Variants in SMOC2 observed in about 807,000 individuals in gnomAD.
SMOC2 encodes SPARC-related modular calcium-binding protein 2.
A neutral mutation model predicts 61.4 loss-of-function variants in SMOC2; 39 were observed. The ratio of observed to expected loss-of-function variants is 0.64; its 90% confidence interval spans 0.49 to 0.83. The LOEUF (loss-of-function observed/expected upper bound fraction) is 0.83, where lower values mean the gene tolerates loss of function less well. Among genes scored for constraint, SMOC2 ranks in the 40% least tolerant of loss-of-function variants. The pLI, the probability that SMOC2 is intolerant of heterozygous loss-of-function variation, is 0.00. For missense variants in SMOC2, 556 were observed against 592.9 expected (o/e 0.94, Z 0.65); for synonymous variants, 247 against 239.9 (o/e 1.03, Z -0.27).
chr6:168,644,216 T>C (rs113167708), intron 9 of SMOC2, among the ~76,000 whole-genome samples: 5 of 152,320 alleles, frequency 3.3e-5, no homozygotes, highest in African/African-American at 1.2e-4. Flanking sequence ...CACGTGTTTA[T>C]GGACATGGCT....
rs541774938 is a variant in SMOC2 at position 168,540,375 on chromosome 6, G to A, written c.464-3250G>A. ...CCCAGCTGCGTGTCCAGCAGAGCAC[G>A]TGGAGAGGCAGCTTCCGATGGCGCA... On this transcript the variant is annotated intron_variant, in intron 4 of 12. Transcript: ENST00000356284. 6.6e-5 allele frequency among the ~76,000 whole-genome samples: 10 copies of A among 152,334 alleles called. No homozygotes were observed. The South Asian group carries it at 1.7e-3, about 25-fold the overall frequency.
chr6:168,492,819 C>G (rs532201890), intron 1 of SMOC2, among the ~76,000 whole-genome samples: 45 of 152,336 alleles, frequency 3.0e-4, no homozygotes, highest in Non-Finnish European at 5.1e-4. Flanking sequence ...TTGCATTTCT[C>G]TGGCTTTAAT....
chr6:168,522,592 A>G (rs1783355270), intron 2 of SMOC2, among the ~76,000 whole-genome samples: 1 of 152,254 alleles, frequency 6.6e-6, no homozygotes, highest in Admixed American at 6.5e-5. Flanking sequence ...AGCCAGACAC[A>G]GAAGGATACC....
intron 6 of SMOC2, among the ~76,000 whole-genome samples, chr6:168,547,894 T>C (rs1261496116): frequency 6.6e-6 from 1 of 152,160 alleles, no homozygotes; most frequent in Non-Finnish European, 1.5e-5. Flanking sequence ...TAAGTTGAAA[T>C]TTTACAGCTT....
chr6:168,507,381 T>G (rs1437407494), intron 1 of SMOC2, among the ~76,000 whole-genome samples: 3 of 152,236 alleles, frequency 2.0e-5, no homozygotes, highest in Admixed American at 2.0e-4. Flanking sequence ...TCATGTTTTC[T>G]TTCTGTTTTC....
intron 9 of SMOC2, among the ~76,000 whole-genome samples, chr6:168,633,258 C>G (rs949763155): frequency 1.6e-4 from 25 of 152,316 alleles, no homozygotes; most frequent in African/African-American, 6.0e-4. Context: ...TATTTGAAAG[C>G]TTCAGAAACT....
chr6:168,526,961 G>A (rs568762751), intron 3 of SMOC2, among the ~76,000 whole-genome samples: 5 of 152,300 alleles, frequency 3.3e-5, no homozygotes, highest in South Asian at 4.1e-4. Context: ...CCAGCTCTCC[G>A]TTTTGAGTGT....
At chr6:168,536,011 T>G (rs932342134) in intron 4 of SMOC2, among the ~76,000 whole-genome samples, 32 of 152,234 alleles carry the variant, frequency 2.1e-4, no homozygotes, top group Non-Finnish European at 4.3e-4. Context: ...GCTCGAATTT[T>G]CACACGTGCC....
chr6:168,546,292 G>A (rs574673960), intron 5 of SMOC2, among the ~76,000 whole-genome samples: 81 of 143,720 alleles, frequency 5.6e-4, no homozygotes, highest in African/African-American at 1.9e-3. Context: ...GATCCTGAGA[G>A]CACCACAGTG....
At chr6:168,467,309 G>T (rs1420688442) in intron 1 of SMOC2, among the ~76,000 whole-genome samples, 1 of 132,492 alleles carries the variant, frequency 7.5e-6, no homozygotes, top group Non-Finnish European at 1.5e-5. Flanking sequence ...ACCCTGCTAA[G>T]GTTTTTTTTT....
At chr6:168,472,084 G>A (rs1781977546) in intron 1 of SMOC2, among the ~76,000 whole-genome samples, 1 of 152,150 alleles carries the variant, frequency 6.6e-6, no homozygotes, top group African/African-American at 2.4e-5. Context: ...TCCTGCTATG[G>A]CTTGTGCTTT....
At chr6:168,481,274 C>T (rs1451678298) in intron 1 of SMOC2, among the ~76,000 whole-genome samples, 2 of 151,912 alleles carry the variant, frequency 1.3e-5, no homozygotes, top group Non-Finnish European at 2.9e-5. Flanking sequence ...CTTAATGCTT[C>T]GATGTACAGA....
Position 168,648,402 on chromosome 6 carries a change from G to A in SMOC2, c.908-2279G>A, listed in dbSNP as rs193044000. Among the ~76,000 whole-genome samples the A allele has an allele frequency of 3.9e-4, 60 of 152,348 alleles. No individual in the cohort carries two copies. The East Asian group carries it at 0.011, about 27-fold the overall frequency. On this transcript the variant is annotated intron_variant, in intron 9 of 12. Transcript: ENST00000356284. ...GTGTTCCCGAGCCTGTGCCCTGGAG[G>A]CATTTTCAGCCCTCCAAGTTGTTTT... is the stretch of plus-strand genomic sequence containing the variant.
At position 168,453,938 on chromosome 6, in the gene SMOC2, C is replaced by T. The variant is rs1781522432; in HGVS notation, c.84+12484C>T. ...TCTCTCTCTGTCTCTCTGATTCTAT[C>T]TTTGGTCTCTGCCATTCTCCCTCTC... is the stretch of plus-strand genomic sequence containing the variant. On this transcript the variant is annotated intron_variant, in intron 1 of 12. Coordinates refer to ENST00000356284, the MANE Select transcript of SMOC2 (RefSeq NM_001166412.2). This position sits in a 1 kb window ranked among gnomAD's most constrained non-coding sequence, Gnocchi z 4.4. Among the ~76,000 whole-genome samples the T allele has an allele frequency of 6.6e-6, 1 of 151,842 alleles. No homozygotes were observed. Among genetic ancestry groups the T allele is most frequent in the African/African-American group, 2.4e-5 (1 of 41,322 alleles).
chr6:168,552,675 G>A (rs1300057224), intron 7 of SMOC2, among the ~76,000 whole-genome samples: 2 of 152,176 alleles, frequency 1.3e-5, no homozygotes, highest in Non-Finnish European at 2.9e-5. Flanking sequence ...TTTTACAAAG[G>A]AAAATAAAAT....
intron 1 of SMOC2, among the ~76,000 whole-genome samples, chr6:168,498,756 C>A (rs1240915978): frequency 8.3e-6 from 1 of 121,144 alleles, no homozygotes; most frequent in Non-Finnish European, 2.0e-5. Context: ...AGCCTGTCTA[C>A]TGCACATGGA....
intron 1 of SMOC2, among the ~76,000 whole-genome samples, chr6:168,493,185 C>T (rs183795658): frequency 9.9e-5 from 15 of 152,120 alleles, no homozygotes; most frequent in East Asian, 9.7e-4. Flanking sequence ...TACAGGTACA[C>T]GCCACTACGC....
chr6:168,569,828 A>C (rs6455530), intron 7 of SMOC2, among the ~76,000 whole-genome samples: 24,010 of 152,086 alleles, frequency 0.16, 3,776 homozygotes, highest in African/African-American at 0.41. Context: ...CTAATGGTGT[A>C]TTTGCAGAGC....
At chr6:168,466,228 G>A (rs1211209501) in intron 1 of SMOC2, among the ~76,000 whole-genome samples, 1 of 150,842 alleles carries the variant, frequency 6.6e-6, no homozygotes, top group Non-Finnish European at 1.5e-5. Context: ...TGCTTTGAAA[G>A]CTGAAACTGG....
Sources: allele counts gnomAD v4.1 joint callset (sites outside exome capture counted in the v4.1 genomes callset), GRCh38; gene constraint gnomAD v4.1.1; non-coding constraint Gnocchi (gnomAD v3.1); transcripts MANE v1.5; gene names NCBI Gene and HGNC (gene_info 2026-07-23, HGNC 2026-07-21).